STAT3: variants seen among roughly 807,000 people sequenced by gnomAD.
STAT3 encodes DNA-binding protein APRF.
In STAT3, 7 loss-of-function variants were observed where a neutral mutation model predicts 114.3. That is an observed-to-expected ratio of 0.06 (90% confidence interval 0.03 to 0.11). STAT3 has a LOEUF of 0.11. Among genes scored for constraint, STAT3 ranks in the 10% least tolerant of loss-of-function variants. STAT3 has a pLI of 1.00. For synonymous variants in STAT3, 331 were observed against 354.5 expected (o/e 0.93, Z 0.74); for missense variants, 364 against 960.9 (o/e 0.38, Z 8.21).
chr17:42,339,247 C>T (rs1296284550), intron 5 of STAT3, 67 bp downstream of exon 5: 13 of 1,474,976 alleles, frequency 8.8e-6, no homozygotes, highest in East Asian at 4.6e-5. Flanking sequence ...CAGAGCAAGA[C>T]CCTGTCTCAA....
chr17:42,338,651 G>T, intron 6 of STAT3, 80 bp downstream of exon 6: 1 of 1,385,590 alleles, frequency 7.2e-7, no homozygotes, highest in Non-Finnish European at 1.0e-6. Context: ...GATCTAAACA[G>T]AGTTAAGACA....
At chr17:42,358,317 G>A (rs1045741873) in intron 1 of STAT3, among the ~76,000 whole-genome samples, 1 of 152,088 alleles carries the variant, frequency 6.6e-6, no homozygotes, top group Non-Finnish European at 1.5e-5. Flanking sequence ...GGAGGCTGAG[G>A]CAGGAGGATC....
At position 42,324,818 on chromosome 17, in the gene STAT3, A is replaced by G; in HGVS notation, c.1493T>C (p.Ile498Thr). 6 of 1,614,130 alleles carry G rather than the reference A, an allele frequency of 3.7e-6. No homozygotes were observed. Among genetic ancestry groups the G allele is most frequent in the Non-Finnish European group, 5.1e-6 (6 of 1,180,038 alleles). ...CTCGGCCACTTGATCCCAGGTTCCAATTGGGGGCTTGGTAAAAAAGTTTAC... is the reference window on the plus strand; with the variant it reads ...CTCGGCCACTTGATCCCAGGTTCCAGTTGGGGGCTTGGTAAAAAAGTTTAC... The part of the protein sequence containing the change: ...KNVNFFTKPP[I>T]GTWDQVAEVL... Residue 498 changes from isoleucine (I) to threonine (T), a missense_variant, in exon 17 of 24, where the codon ATT becomes ACT. Ile to Thr is a moderately conservative substitution (Grantham distance 89). Coordinates refer to ENST00000264657, the MANE Select transcript of STAT3 (RefSeq NM_139276.3). The surrounding 1 kb of genome is among the most constrained non-coding windows in gnomAD (Gnocchi z 4.5).
At chr17:42,343,213 A>G (rs1044366666) in intron 4 of STAT3, among the ~76,000 whole-genome samples, 1 of 151,636 alleles carries the variant, frequency 6.6e-6, no homozygotes, top group Non-Finnish European at 1.5e-5. Context: ...TAAATTTGAA[A>G]TGTAATGTTA....
At chr17:42,364,037 C>T (rs1275776354) in intron 1 of STAT3, among the ~76,000 whole-genome samples, 1 of 152,118 alleles carries the variant, frequency 6.6e-6, no homozygotes, top group Non-Finnish European at 1.5e-5. Flanking sequence ...GAGCAGCTCT[C>T]TGCTGGCAAC....
At chr17:42,378,851 C>A (rs112501059) in intron 1 of STAT3, among the ~76,000 whole-genome samples, 87 of 152,196 alleles carry the variant, frequency 5.7e-4, no homozygotes, top group Non-Finnish European at 1.1e-3. Flanking sequence ...CTTTTAGATT[C>A]TGTCAGAAAA....
intron 4 of STAT3, among the ~76,000 whole-genome samples, chr17:42,343,853 C>T (rs1299048129): frequency 1.3e-5 from 2 of 152,144 alleles, no homozygotes; most frequent in Non-Finnish European, 2.9e-5. Flanking sequence ...AATGGCCTTT[C>T]TAAACCTTGC....
intron 1 of STAT3, among the ~76,000 whole-genome samples, chr17:42,362,730 A>G (rs925811130): frequency 6.6e-6 from 1 of 152,184 alleles, no homozygotes; most frequent in African/African-American, 2.4e-5. Context: ...AACACGTAGC[A>G]CTCAGGAGCC....
At chr17:42,378,471 T>C (rs1261596117) in intron 1 of STAT3, among the ~76,000 whole-genome samples, 1 of 152,110 alleles carries the variant, frequency 6.6e-6, no homozygotes, top group African/African-American at 2.4e-5. Context: ...GGTCTTGAAC[T>C]CCTGACCTCA....
rs778337518 is a variant in STAT3, at chr17:42,324,875, A to C, written c.1465-29T>G. 8 of 1,614,116 alleles carry C rather than the reference A, an allele frequency of 5.0e-6. No individual in the cohort carries two copies. The highest frequency in any genetic ancestry group is 1.7e-5 in the Admixed American group (1 of 59,998). ...TTGGAAAGAACACATTTGCTTGTTT[A>C]GATGAGGGATGGTGCTCATTGTCTA... On this transcript the variant is annotated intron_variant, in intron 16 of 23. Transcript: ENST00000264657. This position sits in a 1 kb window ranked among gnomAD's most constrained non-coding sequence, Gnocchi z 4.5.
intron 1 of STAT3, among the ~76,000 whole-genome samples, chr17:42,372,239 G>A (rs1246891545): frequency 6.6e-6 from 1 of 152,170 alleles, no homozygotes; most frequent in East Asian, 1.9e-4. Flanking sequence ...GAGGTGAAAA[G>A]TCCTGCACTG....
At position 42,339,414 on chromosome 17, in the gene STAT3, C is replaced by CA. The variant is rs1166697181; in HGVS notation, c.373-6dup. On this transcript the variant is annotated splice_region_variant and splice_polypyrimidine_tract_variant and intron_variant, in intron 4 of 23. Transcript: ENST00000264657. ...GTGGTTGGCCTGGCCCCCTTGCTGC[C>CA]AAAAAGGAGGTCAATGCACATGTGA... The CA allele has an allele frequency of 3.1e-6, 5 of 1,613,806 alleles. No individual in the cohort carries two copies. The highest frequency in any genetic ancestry group is 2.5e-6 in the Non-Finnish European group (3 of 1,179,934).
At chr17:42,370,382 A>G (rs1455649280) in intron 1 of STAT3, among the ~76,000 whole-genome samples, 2 of 151,688 alleles carry the variant, frequency 1.3e-5, no homozygotes, top group Non-Finnish European at 2.9e-5. Flanking sequence ...AGTAGCTGGG[A>G]TTACAGGCGC....
At chr17:42,360,796 A>T (rs1187456970) in intron 1 of STAT3, among the ~76,000 whole-genome samples, 2 of 152,170 alleles carry the variant, frequency 1.3e-5, no homozygotes, top group South Asian at 2.1e-4. Context: ...CCACATCTGG[A>T]TGCTATTCTA....
intron 1 of STAT3, among the ~76,000 whole-genome samples, chr17:42,363,134 T>C (rs1312058286): frequency 6.6e-6 from 1 of 152,198 alleles, no homozygotes; most frequent in Non-Finnish European, 1.5e-5. Flanking sequence ...AATGAACGAC[T>C]GGAGTGAATT....
At chr17:42,359,419 T>A (rs758191430) in intron 1 of STAT3, among the ~76,000 whole-genome samples, 49 of 152,222 alleles carry the variant, frequency 3.2e-4, no homozygotes, top group Admixed American at 1.2e-3. Context: ...TGATTTGGCA[T>A]GTTAATTTAA....
chr17:42,357,112 G>T, intron 1 of STAT3, among the ~76,000 whole-genome samples: 1 of 152,020 alleles, frequency 6.6e-6, no homozygotes, highest in African/African-American at 2.4e-5. Context: ...TATTTAAAGC[G>T]CATAAAAGAA....
chr17:42,377,885 G>A (rs1344109265), intron 1 of STAT3, among the ~76,000 whole-genome samples: 1 of 152,068 alleles, frequency 6.6e-6, no homozygotes, highest in East Asian at 1.9e-4. Context: ...ACTGGGTATA[G>A]AGGTATGAAC....
chr17:42,371,625 G>A (rs375824272), intron 1 of STAT3, among the ~76,000 whole-genome samples: 5 of 147,750 alleles, frequency 3.4e-5, no homozygotes, highest in African/African-American at 7.5e-5. Flanking sequence ...GCAGTGAGCC[G>A]AGATTGTGCC....
Sources: gnomAD v4.1 joint callset for allele counts (sites outside exome capture counted in the v4.1 genomes callset) on GRCh38, gnomAD v4.1.1 for gene constraint, Gnocchi (gnomAD v3.1) non-coding constraint, MANE v1.5 for transcripts, NCBI Gene and HGNC (gene_info 2026-07-23, HGNC 2026-07-21) for gene names.